The following LMTK2 variants were observed in gnomAD, a reference collection of about 807,000 sequenced individuals.
The protein encoded by LMTK2 is lemur tail kinase 2.
Under a neutral mutation model 127.5 loss-of-function variants are expected in LMTK2, and 37 were observed. The ratio of observed to expected loss-of-function variants is 0.29; its 90% CI spans 0.22 to 0.38. The LOEUF is 0.38. LMTK2 is among the 10% of genes least tolerant of loss of function. The probability of loss-of-function intolerance (pLI) is 1.00; values close to 1 mark genes in which losing one functional copy is unlikely to be tolerated. For missense variants in LMTK2, 1,694 were observed against 1,920.3 expected (o/e 0.88, Z 2.20); for synonymous variants, 819 against 810.1 (o/e 1.01, Z -0.19).
chr7:98,200,109 G>A (rs939540467), intron 11 of LMTK2, among the ~76,000 whole-genome samples: 7 of 149,968 alleles, frequency 4.7e-5, no homozygotes, highest in African/African-American at 7.4e-5. Flanking sequence ...TTCTCTTTGC[G>A]TAGTTTTTGT....
intron 1 of LMTK2, among the ~76,000 whole-genome samples, chr7:98,132,794 T>C (rs1369490054): frequency 6.6e-6 from 1 of 152,190 alleles, no homozygotes; most frequent in Non-Finnish European, 1.5e-5. Flanking sequence ...TTTTTTTTAA[T>C]TGAATCCCAA....
chr7:98,194,009 C>G lies in LMTK2; in HGVS notation c.3544C>G (p.Pro1182Ala). The change falls in exon 11 of 14, where the codon CCA (proline) becomes GCA (alanine). Residue 1182 changes from proline to alanine, a missense_variant. Around this residue, in one of 8 missense-constraint regions of LMTK2, gnomAD observed 554 missense variants for 567.7 expected, o/e 0.98. Coordinates refer to ENST00000297293, the MANE Select transcript of LMTK2 (RefSeq NM_014916.4). This position sits in a 1 kb window ranked among gnomAD's most constrained non-coding sequence, Gnocchi z 5.4. ...SDLELRATPE[P>A]AQTGVPQQVH... The stretch of plus-strand genomic sequence containing the variant: ...CCTGGAATTAAGAGCCACGCCGGAG[C>G]CAGCACAGACTGGTGTTCCCCAGCA... The G allele has an allele frequency of 6.2e-7, 1 of 1,614,140 alleles. No individual in the cohort carries two copies.
intron 6 of LMTK2, among the ~76,000 whole-genome samples, chr7:98,165,554 T>C (rs1797082962): frequency 6.6e-6 from 1 of 152,186 alleles, no homozygotes; most frequent in Non-Finnish European, 1.5e-5. Context: ...TGGTCTCAAG[T>C]GATCTTCCCA....
intron 7 of LMTK2, among the ~76,000 whole-genome samples, chr7:98,173,309 T>G (rs1427952549): frequency 1.3e-5 from 2 of 151,766 alleles, no homozygotes; most frequent in Admixed American, 6.6e-5. Flanking sequence ...GTAAAGTGTT[T>G]TTTTTTTTTT....
chr7:98,197,727 A>C (rs940327804), intron 11 of LMTK2, among the ~76,000 whole-genome samples: 2 of 152,112 alleles, frequency 1.3e-5, no homozygotes, highest in African/African-American at 4.8e-5. Flanking sequence ...CTATAGTCTC[A>C]CCTGCTCAGG....
chr7:98,139,463 A>C (rs1172221059), intron 2 of LMTK2, among the ~76,000 whole-genome samples: 1 of 152,122 alleles, frequency 6.6e-6, no homozygotes, highest in African/African-American at 2.4e-5. Context: ...CTTTAGAATC[A>C]TCTGTTGGTA....
chr7:98,140,076 A>AACTTACTTACTT lies in LMTK2; in HGVS notation c.232-1317_232-1316insACTTACTTACTT, dbSNP rs1489752762. Among the ~76,000 whole-genome samples, 365 of 40,488 alleles carry AACTTACTTACTT rather than the reference A, an allele frequency of 9.0e-3. 29 individuals are homozygous for AACTTACTTACTT. The highest frequency in any genetic ancestry group is 0.018 in the African/African-American group (344 of 18,994). 26.6% of individuals were successfully genotyped at this position (40,488 alleles called of 152,430 possible). A position where few individuals can be genotyped will look rare whatever the true frequency, so the allele number is the denominator to read the frequency against. ...CGAACGTCACGTAAAAGGTTTCCAC[A>AACTTACTTACTT]ACTTTCTTTCTTTCTTTCTTTCTTT... On this transcript the variant is annotated intron_variant, in intron 2 of 13. Transcript: ENST00000297293.
At chr7:98,122,722 G>GTA (rs1796382284) in intron 1 of LMTK2, among the ~76,000 whole-genome samples, 4 of 86,746 alleles carry the variant, frequency 4.6e-5, no homozygotes, top group South Asian at 5.0e-4. Context: ...GTGTGTGTGT[G>GTA]TGTGTATATA....
At chr7:98,132,572 G>A (rs1410232644) in intron 1 of LMTK2, among the ~76,000 whole-genome samples, 2 of 151,916 alleles carry the variant, frequency 1.3e-5, no homozygotes, top group Non-Finnish European at 2.9e-5. Context: ...TTAAAAACTG[G>A]CAAAGAGAAA....
At chr7:98,178,272 T>A (rs1022276557) in intron 7 of LMTK2, among the ~76,000 whole-genome samples, 2 of 152,080 alleles carry the variant, frequency 1.3e-5, no homozygotes, top group South Asian at 4.1e-4. Context: ...ATAATAGAGG[T>A]GTGGATTATT....
intron 5 of LMTK2, among the ~76,000 whole-genome samples, chr7:98,155,828 A>G (rs1584267938): frequency 6.6e-6 from 1 of 152,348 alleles, no homozygotes; most frequent in Middle Eastern, 3.4e-3. Flanking sequence ...TTGGAACATC[A>G]GAAAAGAACA....
intron 6 of LMTK2, among the ~76,000 whole-genome samples, chr7:98,167,738 A>G (rs1797122479): frequency 6.6e-6 from 1 of 152,122 alleles, no homozygotes; most frequent in African/African-American, 2.4e-5. Context: ...TACGTGAGGC[A>G]TGGGCTTTCA....
intron 6 of LMTK2, among the ~76,000 whole-genome samples, chr7:98,162,083 A>G (rs1300212139): frequency 3.3e-5 from 5 of 152,192 alleles, no homozygotes; most frequent in African/African-American, 4.8e-5. Flanking sequence ...GTTTTTTCAT[A>G]CAATGGTCAA....
At chr7:98,185,007 GGTT>G in intron 7 of LMTK2, 41 bp from the exon 8 acceptor site, 1 of 1,393,714 alleles carries the variant, frequency 7.2e-7, no homozygotes. Flanking sequence ...GCATGATCCT[GGTT>G]GTTGATTCTT....
intron 11 of LMTK2, among the ~76,000 whole-genome samples, chr7:98,200,900 T>G (rs749796531): frequency 2.6e-5 from 4 of 152,210 alleles, no homozygotes; most frequent in Non-Finnish European, 5.9e-5. Context: ...TGGTTGACTC[T>G]GAGGATGTGG....
intron 3 of LMTK2, among the ~76,000 whole-genome samples, chr7:98,141,990 G>A (rs764583100): frequency 9.2e-5 from 14 of 151,714 alleles, no homozygotes; most frequent in Non-Finnish European, 1.8e-4. Context: ...GTTAGTTGAT[G>A]TCTTGTGAAA....
intron 6 of LMTK2, 85 bp downstream of exon 6, chr7:98,159,510 G>C: frequency 1.1e-6 from 1 of 895,666 alleles, no homozygotes. Flanking sequence ...TGGATGAGGG[G>C]TTGCTTTCAT....
chr7:98,123,121 CCCAGTGG>C (rs1562897018), intron 1 of LMTK2, among the ~76,000 whole-genome samples: 1 of 152,132 alleles, frequency 6.6e-6, no homozygotes, highest in Non-Finnish European at 1.5e-5. Context: ...GCTGCTGGCT[CCCAGTGG>C]CAACGCCCTG....
chr7:98,174,118 A>AG lies in LMTK2; in HGVS notation c.791+2444_791+2445insG, dbSNP rs1178594480. ...TCATTTTGTTGTAAAAAAAAAAAAAAAAAAGAAAAAGTAATCATATCTATA... is the reference window on the plus strand; with the variant it reads ...TCATTTTGTTGTAAAAAAAAAAAAAAGAAAAGAAAAAGTAATCATATCTATA... On this transcript the variant is annotated intron_variant, in intron 7 of 13. Coordinates refer to ENST00000297293, the MANE Select transcript of LMTK2 (RefSeq NM_014916.4). Among the ~76,000 whole-genome samples the AG allele has an allele frequency of 2.1e-3, 316 of 151,820 alleles. 1 individual carries two copies. Among genetic ancestry groups the AG allele is most frequent in the African/African-American group, 7.2e-3 (297 of 41,380 alleles).
Sources: gnomAD v4.1 joint callset for allele counts (sites outside exome capture counted in the v4.1 genomes callset) on GRCh38, gnomAD v4.1.1 for gene constraint, gnomAD v4.1.1 regional missense constraint, Gnocchi (gnomAD v3.1) non-coding constraint, MANE v1.5 for transcripts, NCBI Gene and HGNC (gene_info 2026-07-23, HGNC 2026-07-21) for gene names.